Variants in NYAP2 observed in about 807,000 individuals in gnomAD.
NYAP2 encodes the protein neuronal tyrosine-phosphorylated phosphoinositide-3-kinase adaptor 2.
A neutral mutation model predicts 50.4 loss-of-function variants in NYAP2; 23 were observed. The observed-to-expected ratio is 0.46, with a 90% CI of 0.33 to 0.65. The LOEUF (loss-of-function observed/expected upper bound fraction) is 0.65, where lower values mean the gene tolerates loss of function less well. Among genes scored for constraint, NYAP2 ranks in the 30% least tolerant of loss-of-function variants. NYAP2 has a pLI of 0.02. For synonymous variants in NYAP2, 394 were observed against 365.2 expected (o/e 1.08, Z -0.90); for missense variants, 885 against 861.0 (o/e 1.03, Z -0.35).
At chr2:225,566,520 A>C (rs977220823) in intron 4 of NYAP2, among the ~76,000 whole-genome samples, 2 of 152,242 alleles carry the variant, frequency 1.3e-5, no homozygotes, top group African/African-American at 4.8e-5. Flanking sequence ...CTTTAAGATA[A>C]TATCCCCCTG....
At chr2:225,578,863 G>A (rs1223117655) in intron 4 of NYAP2, among the ~76,000 whole-genome samples, 1 of 152,112 alleles carries the variant, frequency 6.6e-6, no homozygotes, top group Admixed American at 6.5e-5. Flanking sequence ...TCATTTTGCT[G>A]TAAGAAAATT....
chr2:225,521,854 A>G (rs1198543771), intron 4 of NYAP2, among the ~76,000 whole-genome samples: 3 of 152,118 alleles, frequency 2.0e-5, no homozygotes, highest in Non-Finnish European at 1.5e-5. Context: ...GAATGGTACC[A>G]GTTCCTCCTT....
chr2:225,623,947 A>C (rs1693166569), intron 5 of NYAP2, among the ~76,000 whole-genome samples: 1 of 152,236 alleles, frequency 6.6e-6, no homozygotes, highest in African/African-American at 2.4e-5. Context: ...TTAGAACTAC[A>C]GTGATCAATA....
intron 6 of NYAP2, among the ~76,000 whole-genome samples, chr2:225,643,260 C>G (rs886544030): frequency 6.6e-6 from 1 of 151,934 alleles, no homozygotes; most frequent in South Asian, 2.1e-4. Context: ...AGAGATTTTT[C>G]CAGGAAAGCA....
intron 3 of NYAP2, among the ~76,000 whole-genome samples, chr2:225,505,580 C>T (rs1266892501): frequency 6.6e-6 from 1 of 152,126 alleles, no homozygotes; most frequent in Non-Finnish European, 1.5e-5. Context: ...AATAATAAAG[C>T]TGCATGCATT....
At chr2:225,548,624 T>C (rs1691622918) in intron 4 of NYAP2, among the ~76,000 whole-genome samples, 1 of 152,026 alleles carries the variant, frequency 6.6e-6, no homozygotes, top group Admixed American at 6.6e-5. Context: ...ATAGCCATAT[T>C]CTGTAGGAAC....
intron 3 of NYAP2, among the ~76,000 whole-genome samples, chr2:225,447,135 G>A (rs1007775621): frequency 2.0e-5 from 3 of 152,152 alleles, no homozygotes; most frequent in South Asian, 2.1e-4. Flanking sequence ...AAGTTGCAGG[G>A]TCTTCTGCCA....
At chr2:225,665,806 C>CAAA in the NYAP2 span, among the ~76,000 whole-genome samples, 2 of 4,424 alleles carry the variant, frequency 4.5e-4, no homozygotes, top group African/African-American at 8.8e-4. Context: ...AAGCCTCCGT[C>CAAA]TAAAAAAAAA....
At chr2:225,444,381 A>C (rs1689519175) in intron 3 of NYAP2, among the ~76,000 whole-genome samples, 1 of 152,216 alleles carries the variant, frequency 6.6e-6, no homozygotes, top group Non-Finnish European at 1.5e-5. Context: ...CACTGCTTCC[A>C]GTGGGAATTT....
intron 4 of NYAP2, among the ~76,000 whole-genome samples, chr2:225,544,753 C>A (rs1186878203): frequency 2.0e-5 from 3 of 151,986 alleles, no homozygotes; most frequent in African/African-American, 7.2e-5. Context: ...CTGTGTTTTT[C>A]TATGTGCTTA....
intron 3 of NYAP2, among the ~76,000 whole-genome samples, chr2:225,503,904 A>G (rs1690653572): frequency 6.6e-6 from 1 of 152,104 alleles, no homozygotes; most frequent in Non-Finnish European, 1.5e-5. Context: ...TGGATTTGGA[A>G]GTATATTGCA....
intron 5 of NYAP2, among the ~76,000 whole-genome samples, chr2:225,603,208 A>G (rs1299399057): frequency 6.6e-6 from 1 of 152,150 alleles, no homozygotes; most frequent in Non-Finnish European, 1.5e-5. Flanking sequence ...ACATTTAATC[A>G]TGTTTATGCA....
At chr2:225,691,466 G>T in the NYAP2 span, among the ~76,000 whole-genome samples, 1 of 152,132 alleles carries the variant, frequency 6.6e-6, no homozygotes, top group East Asian at 1.9e-4. Flanking sequence ...CAGGCAGTGG[G>T]CTGTATTTGG....
At chr2:225,511,143 T>G (rs1306152365) in intron 3 of NYAP2, among the ~76,000 whole-genome samples, 1 of 152,010 alleles carries the variant, frequency 6.6e-6, no homozygotes, top group East Asian at 1.9e-4. Flanking sequence ...CAAAGTTAGA[T>G]TACATCAAGT....
At chr2:225,469,508 C>T (rs1207360557) in intron 3 of NYAP2, among the ~76,000 whole-genome samples, 1 of 152,160 alleles carries the variant, frequency 6.6e-6, no homozygotes, top group Admixed American at 6.5e-5. Context: ...TGGGTATATA[C>T]CCAAAGGATT....
intron 4 of NYAP2, among the ~76,000 whole-genome samples, chr2:225,556,896 T>A (rs981936620): frequency 6.6e-6 from 1 of 152,204 alleles, no homozygotes; most frequent in Non-Finnish European, 1.5e-5. Flanking sequence ...ATATAATGGC[T>A]AATGCATGTC....
intron 4 of NYAP2, among the ~76,000 whole-genome samples, chr2:225,552,752 G>A (rs1398101135): frequency 2.0e-5 from 3 of 152,250 alleles, no homozygotes; most frequent in East Asian, 1.9e-4. Flanking sequence ...GTGCAGTGGC[G>A]TGATCTCGGC....
intron 3 of NYAP2, among the ~76,000 whole-genome samples, chr2:225,425,874 T>C (rs1695279427): frequency 6.6e-6 from 1 of 152,130 alleles, no homozygotes; most frequent in African/African-American, 2.4e-5. Flanking sequence ...GTCATATAAG[T>C]GTATTATTTT....
At position 225,498,930 on chromosome 2, in the gene NYAP2, C is replaced by T. The variant is rs146508123; in HGVS notation, c.222-14441C>T. Reference sequence around the variant, plus strand: ...TCAAAGGAACACCCATTTGGAAATGCGCAGTATTTTGTTGAGAGGGCGAAT... The same window carrying T: ...TCAAAGGAACACCCATTTGGAAATGTGCAGTATTTTGTTGAGAGGGCGAAT... On this transcript the variant is annotated intron_variant, in intron 3 of 6. Coordinates refer to ENST00000636099, the Ensembl canonical transcript of NYAP2. Among the ~76,000 whole-genome samples the T allele has an allele frequency of 2.7e-3, 416 of 152,140 alleles. 10 individuals are homozygous for T. The East Asian group carries it at 0.061, about 22-fold the overall frequency.
Sources: allele counts gnomAD v4.1 joint callset (sites outside exome capture counted in the v4.1 genomes callset), GRCh38; gene constraint gnomAD v4.1.1; transcripts MANE v1.5; gene names NCBI Gene and HGNC (gene_info 2026-07-23, HGNC 2026-07-21).